The following MTUS1 variants were observed in gnomAD, a reference collection of about 807,000 sequenced individuals.
MTUS1 encodes the protein microtubule-associated tumor suppressor 1.
In MTUS1, 109 loss-of-function variants were observed where a neutral mutation model predicts 120.8. That is an observed-to-expected ratio of 0.90 (90% CI 0.77 to 1.06). MTUS1 has a LOEUF of 1.06. MTUS1 is among the 50% of genes least tolerant of loss of function. The pLI is 0.00. For synonymous variants in MTUS1, 737 were observed against 550.5 expected (o/e 1.34, Z -4.74); for missense variants, 2,210 against 1,486.3 (o/e 1.49, Z -8.01).
At chr8:17,716,027 G>A (rs1234539343) in intron 4 of MTUS1, 126 bp from the exon 5 acceptor site, 3 of 787,618 alleles carry the variant, frequency 3.8e-6, no homozygotes, top group Non-Finnish European at 6.1e-6. Flanking sequence ...AGTCATTACT[G>A]AACATTGGGA....
chr8:17,728,139 C>A (rs2046337145), intron 3 of MTUS1, among the ~76,000 whole-genome samples: 2 of 152,116 alleles, frequency 1.3e-5, no homozygotes, highest in Admixed American at 6.5e-5. Flanking sequence ...TTGCCAGGGG[C>A]TGGTGGGGAA....
At chr8:17,659,257 G>A (rs967330678) in intron 8 of MTUS1, among the ~76,000 whole-genome samples, 1 of 152,178 alleles carries the variant, frequency 6.6e-6, no homozygotes, top group Non-Finnish European at 1.5e-5. Context: ...GGCCTCTACT[G>A]GAAGAGACAA....
intron 1 of MTUS1, among the ~76,000 whole-genome samples, chr8:17,785,723 T>C (rs1029254101): frequency 6.6e-6 from 1 of 152,112 alleles, no homozygotes; most frequent in African/African-American, 2.4e-5. Flanking sequence ...AGATGCACAT[T>C]TGGAACCTCT....
At chr8:17,794,653 A>G (rs140674046) in intron 1 of MTUS1, among the ~76,000 whole-genome samples, 93 of 152,344 alleles carry the variant, frequency 6.1e-4, no homozygotes, top group African/African-American at 2.2e-3. Flanking sequence ...GGTCACAGTA[A>G]TAAGCAAATA....
At chr8:17,736,363 C>A (rs551092811) in intron 3 of MTUS1, among the ~76,000 whole-genome samples, 8 of 152,260 alleles carry the variant, frequency 5.3e-5, no homozygotes, top group Admixed American at 2.6e-4. Flanking sequence ...ACACACAGTG[C>A]GTGGTTCACT....
chr8:17,653,641 T>G (rs1163732262), intron 10 of MTUS1, 143 bp from the exon 11 acceptor site: 1 of 625,378 alleles, frequency 1.6e-6, no homozygotes, highest in South Asian at 2.2e-5. Context: ...TTTATGTAAA[T>G]TGGCCATCTG....
intron 6 of MTUS1, among the ~76,000 whole-genome samples, chr8:17,687,660 T>C (rs1585697954): frequency 6.6e-6 from 1 of 152,180 alleles, no homozygotes; most frequent in Admixed American, 6.5e-5. Context: ...ACAAGATAAT[T>C]ACCACCATCA....
At position 17,754,131 on chromosome 8, in the gene MTUS1, A is replaced by G. The variant is rs573084386; in HGVS notation, c.1677T>C (p.Ser559=). ...QQTVLSRTPR[S]DLNADKKAEI... ...CTGCTTTTTTGTCTGCATTCAAGTC[A>G]GATCTCGGTGTTCTGCTCAAGACTG... The change falls in exon 2 of 15, where the codon TCT becomes TCC. Residue 559 remains serine (S), a synonymous_variant. Transcript: ENST00000693296. 3 of 1,613,530 alleles carry G rather than the reference A, an allele frequency of 1.9e-6. No homozygotes were observed. The highest frequency in any genetic ancestry group is 2.5e-6 in the Non-Finnish European group (3 of 1,179,992).
chr8:17,654,278 C>A lies in MTUS1; in HGVS notation c.3214+283G>T. 8.9e-6 allele frequency: 4 copies of A among 448,514 alleles called. No individual in the cohort carries two copies. The South Asian group carries it at 1.4e-4, about 16-fold the overall frequency. 27.8% of individuals were successfully genotyped at this position (448,514 alleles called of 1,614,324 possible). A position where few individuals can be genotyped will look rare whatever the true frequency, so the allele number is the denominator to read the frequency against. ...GATAGAAACTTGTACTTGCCACTTC[C>A]CAGGGACCTAAGCTGGCAACCACCA... is the stretch of plus-strand genomic sequence containing the variant. On this transcript the variant is annotated intron_variant, in intron 10 of 14. Coordinates refer to ENST00000693296, the MANE Select transcript of MTUS1 (RefSeq NM_001363059.2).
intron 6 of MTUS1, among the ~76,000 whole-genome samples, chr8:17,710,798 A>C (rs1049659055): frequency 2.0e-5 from 3 of 152,212 alleles, no homozygotes; most frequent in Admixed American, 6.5e-5. Context: ...TAAGACCTGA[A>C]AGTCAAAATT....
intron 3 of MTUS1, among the ~76,000 whole-genome samples, chr8:17,728,113 A>G (rs2131150949): frequency 6.6e-6 from 1 of 152,330 alleles, no homozygotes; most frequent in Admixed American, 6.5e-5. Context: ...TGTAAAACAA[A>G]ATGGTAGAAT....
chr8:17,695,240 C>A (rs1455028956), intron 6 of MTUS1, among the ~76,000 whole-genome samples: 2 of 152,222 alleles, frequency 1.3e-5, no homozygotes, highest in Non-Finnish European at 2.9e-5. Context: ...GCCTCCAACA[C>A]ACAAAACGCT....
At chr8:17,705,996 A>G (rs1286769945) in intron 6 of MTUS1, 1 of 152,138 alleles carries the variant, frequency 6.6e-6, no homozygotes, top group Non-Finnish European at 1.5e-5. Context: ...TAGAGTCAAT[A>G]TCAACTACAA....
intron 6 of MTUS1, among the ~76,000 whole-genome samples, chr8:17,687,410 G>A (rs1290773797): frequency 1.3e-5 from 2 of 152,138 alleles, no homozygotes; most frequent in Non-Finnish European, 2.9e-5. Context: ...AAAGCCAGGG[G>A]TTCCCTTAAA....
At chr8:17,794,692 C>T (rs1045110323) in intron 1 of MTUS1, among the ~76,000 whole-genome samples, 19 of 152,186 alleles carry the variant, frequency 1.2e-4, no homozygotes, top group East Asian at 5.8e-4. Context: ...TGATTAACAA[C>T]GAAATGATTA....
In MTUS1 at chr8:17,700,973, G is replaced by A. The variant is rs184198803; in HGVS notation, c.2623+12241C>T. On this transcript the variant is annotated intron_variant, in intron 6 of 14. Transcript: ENST00000693296. ...AATCAGTGATTTAGAAAACAATGAT[G>A]TCATGATTCTAGACAAGAATCTAGC... 5.9e-4 allele frequency among the ~76,000 whole-genome samples: 90 copies of A among 152,252 alleles called. 1 individual carries two copies. The highest frequency in any genetic ancestry group is 1.2e-3 in the Admixed American group (18 of 15,298).
rs115472556 is a variant in MTUS1, at chr8:17,704,632, A to G, written c.2623+8582T>C. The stretch of plus-strand genomic sequence containing the variant: ...TTTTATTCCATCGGTCTATGTTTCT[A>G]TATTTGTGCCAGTACCATACTCTTT... On this transcript the variant is annotated intron_variant, in intron 6 of 14. Coordinates refer to ENST00000693296, the MANE Select transcript of MTUS1 (RefSeq NM_001363059.2). Among the ~76,000 whole-genome samples, 1,304 of 152,192 alleles carry G rather than the reference A, an allele frequency of 8.6e-3. 22 individuals carry two copies. Among genetic ancestry groups the G allele is most frequent in the African/African-American group, 0.03 (1,228 of 41,534 alleles).
chr8:17,650,455 A>G (rs4921799), intron 12 of MTUS1, among the ~76,000 whole-genome samples: 109,467 of 152,090 alleles, frequency 0.72, 39,655 homozygotes, highest in East Asian at 0.83. Context: ...TGACTGGGCC[A>G]TACTTCTAGG....
chr8:17,647,042 C>T lies in MTUS1; in HGVS notation c.3539G>A (p.Arg1180His), dbSNP rs766556211. 26 of 1,613,828 alleles carry T rather than the reference C, an allele frequency of 1.6e-5. No individual in the cohort carries two copies. Among genetic ancestry groups the T allele is most frequent in the East Asian group, 1.1e-4 (5 of 44,880 alleles). Residue 1180 changes from arginine to histidine, a missense_variant, in exon 14 of 15, where the codon CGT becomes CAT. Coordinates refer to ENST00000693296, the MANE Select transcript of MTUS1 (RefSeq NM_001363059.2). ...CAATTCTTCATTCTCCTGCTGGAAA[C>T]GCTTCAATTTGTCAACCAATGCTGT... Reference protein sequence around the residue: ...NNTALVDKLKRFQQENEELKA... With the variant: ...NNTALVDKLKHFQQENEELKA...
Sources: allele counts gnomAD v4.1 joint callset (sites outside exome capture counted in the v4.1 genomes callset), GRCh38; gene constraint gnomAD v4.1.1; transcripts MANE v1.5; gene names NCBI Gene and HGNC (gene_info 2026-07-23, HGNC 2026-07-21).